The following RRP9 variants were observed in gnomAD, a reference collection of about 807,000 sequenced individuals.
RRP9 encodes the protein ribosomal RNA processing 9, U3 small nucleolar RNA binding protein, also known as U3 small nucleolar RNA-interacting protein 2.
A neutral mutation model predicts 65.5 loss-of-function variants in RRP9; 35 were observed. That is an observed-to-expected ratio of 0.53 (90% CI 0.41 to 0.71). The LOEUF (loss-of-function observed/expected upper bound fraction) is 0.71, where lower values mean the gene tolerates loss of function less well. Among genes scored for constraint, RRP9 ranks in the 30% least tolerant of loss-of-function variants. The probability of loss-of-function intolerance (pLI) is 0.00; values close to 1 mark genes in which losing one functional copy is unlikely to be tolerated. For synonymous variants in RRP9, 254 were observed against 245.0 expected (o/e 1.04, Z -0.34); for missense variants, 533 against 633.6 (o/e 0.84, Z 1.70).
In RRP9 at chr3:51,934,328, G is replaced by C. The variant is rs781267545; in HGVS notation, c.1260+144C>G. 6.6e-5 allele frequency: 51 copies of C among 771,594 alleles called. No homozygotes were observed. The highest frequency in any genetic ancestry group is 1.1e-4 in the African/African-American group (6 of 56,828). The allele number at this position is 771,594 out of a possible 1,614,324, so 47.8% of individuals were successfully genotyped here. ...GGGAGCAGAGGAGGGAAAGTGGGGAGGGTTCCTGCCAGGCCCTGTGCTAGG... is the reference window on the plus strand; with the variant it reads ...GGGAGCAGAGGAGGGAAAGTGGGGACGGTTCCTGCCAGGCCCTGTGCTAGG... On this transcript the variant is annotated intron_variant, in intron 13 of 14. Coordinates refer to ENST00000232888, the MANE Select transcript of RRP9 (RefSeq NM_004704.5). This position sits in a 1 kb window ranked among gnomAD's most constrained non-coding sequence, Gnocchi z 4.1.
At chr3:51,940,580 T>C (rs1400754539) in intron 2 of RRP9, among the ~76,000 whole-genome samples, 1 of 152,156 alleles carries the variant, frequency 6.6e-6, no homozygotes, top group Admixed American at 6.5e-5. Context: ...GAGCAGTGCA[T>C]GATCATAGTT....
intron 9 of RRP9, 46 bp from the exon 10 acceptor site, chr3:51,935,522 T>G: frequency 1.2e-6 from 2 of 1,613,878 alleles, no homozygotes; most frequent in Non-Finnish European, 1.7e-6. Flanking sequence ...GGGTACTGCA[T>G]GAACTCACGG....
intron 2 of RRP9, among the ~76,000 whole-genome samples, chr3:51,940,668 C>G (rs1699511366): frequency 6.6e-6 from 1 of 152,134 alleles, no homozygotes; most frequent in Non-Finnish European, 1.5e-5. Flanking sequence ...GTGCACACCA[C>G]CATACCCAGC....
rs1699420700 is a variant in RRP9 at position 51,933,896 on chromosome 3, C to T, written c.1261-115G>A. 3 of 952,604 alleles carry T rather than the reference C, an allele frequency of 3.1e-6. No homozygotes were observed. In the Admixed American group the frequency reaches 5.6e-5, roughly 18 times the overall value. The allele number at this position is 952,604 out of a possible 1,614,324, so 59.0% of individuals were successfully genotyped here. On this transcript the variant is annotated intron_variant, in intron 13 of 14. Coordinates refer to ENST00000232888, the MANE Select transcript of RRP9 (RefSeq NM_004704.5). ...CCTGGGTTAAATCCCTGCTCTGCCT[C>T]CTGCCACCTGGTGACACAGGCCAGC...
intron 8 of RRP9, 81 bp downstream of exon 8, chr3:51,936,174 CAG>C (rs1559743572): frequency 7.5e-7 from 1 of 1,324,812 alleles, no homozygotes; most frequent in Non-Finnish European, 1.1e-6. Context: ...TCCCTGAGGA[CAG>C]AGACTCCAGA....
In RRP9 at chr3:51,934,599, G is replaced by A. The variant is rs755078158; in HGVS notation, c.1180+32C>T. ...CAACCCCTGCACCGGCCCACCCGGC[G>A]ACCCCTCCTCCCTGCCTCTCAGGGC... On this transcript the variant is annotated intron_variant, in intron 12 of 14. Transcript: ENST00000232888. This position sits in a 1 kb window ranked among gnomAD's most constrained non-coding sequence, Gnocchi z 4.1. 9 of 1,613,656 alleles carry A rather than the reference G, an allele frequency of 5.6e-6. No individual in the cohort carries two copies. The highest frequency in any genetic ancestry group is 2.2e-5 in the East Asian group (1 of 44,864).
chr3:51,936,513 G>C lies in RRP9; in HGVS notation c.560C>G (p.Ala187Gly), dbSNP rs1335254274. 1.9e-6 allele frequency: 3 copies of C among 1,614,050 alleles called. No homozygotes were observed. The highest frequency in any genetic ancestry group is 2.5e-6 in the Non-Finnish European group (3 of 1,180,036). ...GGGCTTTCCCTCGGCACCCTTCTTG[G>C]CTCGAGGAATCACATGCAGCTTCCG... ...SGRKLHVIPR[A>G]KKGAEGKPPG... Residue 187 changes from alanine to glycine, a missense_variant, in exon 7 of 15, where the codon GCC becomes GGC. Ala to Gly is a moderately conservative substitution (Grantham distance 60). This residue lies in a region of RRP9 where 449 missense variants were observed against 550.6 expected (regional missense o/e 0.82). Coordinates refer to ENST00000232888, the MANE Select transcript of RRP9 (RefSeq NM_004704.5).
rs143950192 is a variant in RRP9, at chr3:51,936,443, G to A, written c.630C>T (p.Asp210=). The A allele has an allele frequency of 1.1e-4, 172 of 1,614,082 alleles. No individual in the cohort carries two copies. Among genetic ancestry groups the A allele is most frequent in the Non-Finnish European group, 1.3e-4 (157 of 1,180,052 alleles). ...SHVLCMAISS[D]GKYLASGDRS... is the part of the protein sequence containing the mutation. Reference sequence around the variant, plus strand: ...AACCTGGCCTTACAAGGTACTTGCCGTCGGAGGAGATGGCCATGCAGAGGA... The same window carrying A: ...AACCTGGCCTTACAAGGTACTTGCCATCGGAGGAGATGGCCATGCAGAGGA... Residue 210 remains aspartate (D), a synonymous_variant, in exon 7 of 15, where the codon GAC becomes GAT. Coordinates refer to ENST00000232888, the MANE Select transcript of RRP9 (RefSeq NM_004704.5).
In RRP9 at chr3:51,934,843, A is replaced by G; in HGVS notation, c.1035-67T>C. 6.6e-7 allele frequency: 1 copy of G among 1,515,142 alleles called. No individual in the cohort carries two copies. Among genetic ancestry groups the G allele is most frequent in the Non-Finnish European group, 9.0e-7 (1 of 1,107,854 alleles). 93.9% of individuals were successfully genotyped at this position (1,515,142 alleles called of 1,614,324 possible). A position where few individuals can be genotyped will look rare whatever the true frequency, so the allele number is the denominator to read the frequency against. ...CAGAAAAGGCCCCCTGTGTAACACA[A>G]AGGATTAATGCTTGAGGGGATGGAT... On this transcript the variant is annotated intron_variant, in intron 11 of 14. Transcript: ENST00000232888. This position sits in a 1 kb window ranked among gnomAD's most constrained non-coding sequence, Gnocchi z 4.1.
In RRP9 at chr3:51,936,475, T is replaced by G; in HGVS notation, c.598A>C (p.Ser200Arg). The G allele has an allele frequency of 6.2e-7, 1 of 1,614,202 alleles. No homozygotes were observed. The highest frequency in any genetic ancestry group is 8.5e-7 in the Non-Finnish European group (1 of 1,180,034). ...GAEGKPPGHS[S>R]HVLCMAISSD... ...GAGATGGCCATGCAGAGGACGTGGC[T>G]GCTGTGGCCAGGGGGCTTTCCCTCG... Residue 200 changes from serine (S) to arginine (R), a missense_variant, in exon 7 of 15, where the codon AGC (serine) becomes CGC (arginine). Ser to Arg is a moderately radical substitution (Grantham distance 110, BLOSUM62 -1). This residue lies in a region of RRP9 where 449 missense variants were observed against 550.6 expected (regional missense o/e 0.82). Coordinates refer to ENST00000232888, the MANE Select transcript of RRP9 (RefSeq NM_004704.5).
Position 51,934,647 on chromosome 3 carries a change from T to C in RRP9, c.1164A>G (p.Thr388=). Residue 388 remains threonine (T), a synonymous_variant, in exon 12 of 15, where the codon ACA becomes ACG. Coordinates refer to ENST00000232888, the MANE Select transcript of RRP9 (RefSeq NM_004704.5). The surrounding 1 kb of genome is among the most constrained non-coding windows in gnomAD (Gnocchi z 4.1). The part of the protein sequence containing the change: ...WISSVAALLN[T]DLVATGSHSS... The stretch of plus-strand genomic sequence containing the variant: ...GGCACCCACCTGTGGCCACAAGGTC[T>C]GTGTTGAGGAGGGCTGCCACCGACG... The C allele has an allele frequency of 1.2e-6, 2 of 1,614,050 alleles. No individual in the cohort carries two copies. The highest frequency in any genetic ancestry group is 8.5e-7 in the Non-Finnish European group (1 of 1,180,002).
intron 8 of RRP9, 123 bp downstream of exon 8, chr3:51,936,134 G>A (rs1165661732): frequency 1.9e-5 from 17 of 876,718 alleles, no homozygotes; most frequent in Middle Eastern, 2.3e-4. Context: ...AGCACCACTC[G>A]CTACCCACTC....
chr3:51,935,543 CCACACCCTCTCTCACACCATCCA>C lies in RRP9; in HGVS notation c.836+26_836+48del, dbSNP rs774494604. 121 of 1,613,652 alleles carry C rather than the reference CCACACCCTCTCTCACACCATCCA, an allele frequency of 7.5e-5. 1 individual carries two copies. Among genetic ancestry groups the C allele is most frequent in the South Asian group, 7.2e-4 (66 of 91,048 alleles). On this transcript the variant is annotated intron_variant, in intron 9 of 14. Coordinates refer to ENST00000232888, the MANE Select transcript of RRP9 (RefSeq NM_004704.5). ...TGCATGAACTCACGGGCACACACTC[CCACACCCTCTCTCACACCATCCA>C]CACACCCTCTCCCATCCACACTCAC... is the stretch of plus-strand genomic sequence containing the variant.
rs1329062422 is a variant in RRP9, at chr3:51,934,597, G to A, written c.1180+34C>T. The A allele has an allele frequency of 6.2e-7, 1 of 1,613,700 alleles. No homozygotes were observed. The highest frequency in any genetic ancestry group is 1.7e-5 in the Admixed American group (1 of 60,010). ...AGCAACCCCTGCACCGGCCCACCCG[G>A]CGACCCCTCCTCCCTGCCTCTCAGG... On this transcript the variant is annotated intron_variant, in intron 12 of 14. Transcript: ENST00000232888. The surrounding 1 kb of genome is among the most constrained non-coding windows in gnomAD (Gnocchi z 4.1).
rs547113565 is a variant in RRP9, at chr3:51,933,801, G to C, written c.1261-20C>G. The C allele has an allele frequency of 6.2e-7, 1 of 1,612,866 alleles. No homozygotes were observed. Among genetic ancestry groups the C allele is most frequent in the South Asian group, 1.1e-5 (1 of 91,038 alleles). On this transcript the variant is annotated intron_variant, in intron 13 of 14. Transcript: ENST00000232888. The stretch of plus-strand genomic sequence containing the variant: ...ACCCACCTGAGCAGAAAGACAACAC[G>C]GAAAGACATTAGAACGCCCCCCGCC...
Position 51,937,684 on chromosome 3 carries a change from G to T in RRP9, c.333C>A (p.Arg111=). 1 of 1,614,026 alleles carries T rather than the reference G, an allele frequency of 6.2e-7. No individual in the cohort carries two copies. Among genetic ancestry groups the T allele is most frequent in the East Asian group, 2.2e-5 (1 of 44,870 alleles). Reference sequence around the variant, plus strand: ...CCACACTTACCACATCCTCCTTCAGGCGCCCCGCCACCTGGTCCTCCTCAA... The same window carrying T: ...CCACACTTACCACATCCTCCTTCAGTCGCCCCGCCACCTGGTCCTCCTCAA... ...RAFEEDQVAG[R]LKEDVLEQRG... Residue 111 remains arginine (R), a synonymous_variant, in exon 4 of 15, where the codon CGC becomes CGA. Coordinates refer to ENST00000232888, the MANE Select transcript of RRP9 (RefSeq NM_004704.5). The surrounding 1 kb of genome is among the most constrained non-coding windows in gnomAD (Gnocchi z 5.0).
Position 51,941,770 on chromosome 3 carries a change from G to C in RRP9, c.87+11C>G. On this transcript the variant is annotated intron_variant, in intron 1 of 14. Transcript: ENST00000232888. ...AGGGCTGACCGCGGCCCTCAGAAGCGCCATGCTCACCTTTCGCCGCCGCTT... is the reference window on the plus strand; with the variant it reads ...AGGGCTGACCGCGGCCCTCAGAAGCCCCATGCTCACCTTTCGCCGCCGCTT... 1.3e-6 allele frequency: 2 copies of C among 1,552,196 alleles called. No individual in the cohort carries two copies. Among genetic ancestry groups the C allele is most frequent in the Non-Finnish European group, 1.7e-6 (2 of 1,155,714 alleles).
At position 51,937,888 on chromosome 3, in the gene RRP9, C is replaced by T; in HGVS notation, c.281-152G>A. ...GGCAAGCTGGAGGGTTTCCTCCTGC[C>T]TTTACTTATCAGATCAGCCCCCTGC... is the stretch of plus-strand genomic sequence containing the variant. On this transcript the variant is annotated intron_variant, in intron 3 of 14. Coordinates refer to ENST00000232888, the MANE Select transcript of RRP9 (RefSeq NM_004704.5). This position sits in a 1 kb window ranked among gnomAD's most constrained non-coding sequence, Gnocchi z 5.0. 5.7e-6 allele frequency: 6 copies of T among 1,060,140 alleles called. 1 individual carries two copies. Among genetic ancestry groups the T allele is most frequent in the Non-Finnish European group, 8.2e-6 (6 of 731,204 alleles). 65.7% of individuals were successfully genotyped at this position (1,060,140 alleles called of 1,614,324 possible). A position where few individuals can be genotyped will look rare whatever the true frequency, so the allele number is the denominator to read the frequency against.
Position 51,937,765 on chromosome 3 carries a change from C to T in RRP9, c.281-29G>A, listed in dbSNP as rs769316050. On this transcript the variant is annotated intron_variant, in intron 3 of 14. Transcript: ENST00000232888. The surrounding 1 kb of genome is among the most constrained non-coding windows in gnomAD (Gnocchi z 5.0). ...TGCAGGACAGACCAGACCAAGTAAA[C>T]TGAGGCTGAGACCCCTCTTTCCCTT... The T allele has an allele frequency of 1.1e-5, 18 of 1,612,490 alleles. No homozygotes were observed. In the South Asian group the frequency reaches 2.0e-4, roughly 18 times the overall value.
Sources: allele counts gnomAD v4.1 joint callset (sites outside exome capture counted in the v4.1 genomes callset), GRCh38; gene constraint gnomAD v4.1.1; regional missense constraint gnomAD v4.1.1; non-coding constraint Gnocchi (gnomAD v3.1); transcripts MANE v1.5; gene names NCBI Gene and HGNC (gene_info 2026-07-23, HGNC 2026-07-21).